RPTOR: variants seen among roughly 807,000 people sequenced by gnomAD.
The protein encoded by RPTOR is regulatory associated protein of MTOR complex 1.
Under a neutral mutation model 169.9 loss-of-function variants are expected in RPTOR, and 21 were observed. The observed-to-expected ratio is 0.12, with a 90% CI of 0.09 to 0.18. The LOEUF (loss-of-function observed/expected upper bound fraction) is 0.18, where lower values mean the gene tolerates loss of function less well. Ranked by LOEUF, RPTOR falls within the 10% of genes least tolerant of loss-of-function variation. RPTOR has a pLI of 1.00. For synonymous variants in RPTOR, 732 were observed against 753.2 expected (o/e 0.97, Z 0.46); for missense variants, 1,133 against 1,855.9 (o/e 0.61, Z 7.16).
At chr17:80,848,145 G>C (rs947606516) in intron 11 of RPTOR, among the ~76,000 whole-genome samples, 1 of 152,216 alleles carries the variant, frequency 6.6e-6, no homozygotes, top group Non-Finnish European at 1.5e-5. Context: ...GTCTCAGGCG[G>C]GCAACAAAGA....
chr17:80,650,374 C>T (rs1396383449), intron 3 of RPTOR, among the ~76,000 whole-genome samples: 2 of 152,240 alleles, frequency 1.3e-5, no homozygotes, highest in East Asian at 1.9e-4. Context: ...GAGTCCGCCT[C>T]CTCCCTTCTG....
intron 3 of RPTOR, among the ~76,000 whole-genome samples, chr17:80,663,444 TAC>T (rs753246843): frequency 8.0e-5 from 12 of 150,748 alleles, no homozygotes; most frequent in Non-Finnish European, 1.3e-4. Flanking sequence ...AATCTTTATT[TAC>T]AGTTTCCTCC....
chr17:80,885,085 C>T lies in RPTOR; in HGVS notation c.1920C>T (p.Ile640=), dbSNP rs377150656. The change falls in exon 17 of 34, where the codon ATC becomes ATT. Residue 640 remains isoleucine (I), a synonymous_variant. Transcript: ENST00000306801. ...AGAGGACGGACCACTCCACCACCAT[C>T]GACCACAACGTGGCCATGATGCTGG... ...SAERTDHSTT[I]DHNVAMMLAQ... is the part of the protein sequence containing the mutation. 8 of 1,597,926 alleles carry T rather than the reference C, an allele frequency of 5.0e-6. No individual in the cohort carries two copies. In the African/African-American group the frequency reaches 8.0e-5, roughly 16 times the overall value.
chr17:80,954,625 G>A (rs965385075), intron 28 of RPTOR, among the ~76,000 whole-genome samples: 1 of 152,010 alleles, frequency 6.6e-6, no homozygotes, highest in African/African-American at 2.4e-5. Context: ...ACTAGAAAAT[G>A]TAATTATAAA....
intron 4 of RPTOR, among the ~76,000 whole-genome samples, chr17:80,713,664 C>T (rs2066215447): frequency 1.3e-5 from 2 of 152,114 alleles, no homozygotes; most frequent in Admixed American, 1.3e-4. Context: ...CAGTGTGGCT[C>T]TATTAATCAG....
intron 3 of RPTOR, among the ~76,000 whole-genome samples, chr17:80,687,878 C>T (rs1309031120): frequency 6.6e-6 from 1 of 152,192 alleles, no homozygotes; most frequent in African/African-American, 2.4e-5. Flanking sequence ...GCCTTCAATT[C>T]ACCCTCCATT....
chr17:80,696,492 C>T (rs2066037640), intron 3 of RPTOR, among the ~76,000 whole-genome samples: 2 of 152,156 alleles, frequency 1.3e-5, no homozygotes, highest in African/African-American at 4.8e-5. Context: ...AGCAGAATTC[C>T]CATGTAGATT....
intron 4 of RPTOR, among the ~76,000 whole-genome samples, chr17:80,727,304 C>T (rs1366488391): frequency 1.3e-5 from 2 of 151,526 alleles, no homozygotes; most frequent in African/African-American, 2.4e-5. Flanking sequence ...CTGACCGCAT[C>T]ATGCTCCGAG....
In RPTOR at chr17:80,823,485, A is replaced by G. The variant is rs915219733; in HGVS notation, c.1136+262A>G. ...CCGGCTGAAGCCTCACAGCTCTGCA[A>G]CTCGGGAGGGTAGCACTTTGCAAGA... is the stretch of plus-strand genomic sequence containing the variant. On this transcript the variant is annotated intron_variant, in intron 9 of 33. Coordinates refer to ENST00000306801, the MANE Select transcript of RPTOR (RefSeq NM_020761.3). The surrounding 1 kb of genome is among the most constrained non-coding windows in gnomAD (Gnocchi z 4.5). The G allele has an allele frequency of 3.3e-5, 13 of 389,040 alleles. No homozygotes were observed. The highest frequency in any genetic ancestry group is 4.1e-5 in the East Asian group (1 of 24,560). The allele number at this position is 389,040 out of a possible 1,614,324, so 24.1% of individuals were successfully genotyped here. A position where few individuals can be genotyped will look rare whatever the true frequency, so the allele number is the denominator to read the frequency against.
At chr17:80,599,871 C>T (rs149004893) in intron 1 of RPTOR, among the ~76,000 whole-genome samples, 7 of 152,286 alleles carry the variant, frequency 4.6e-5, no homozygotes, top group African/African-American at 1.7e-4. Context: ...ATTTAATGAA[C>T]TTGCTCATCT....
At chr17:80,840,734 A>T (rs1189438187) in intron 10 of RPTOR, among the ~76,000 whole-genome samples, 2 of 109,336 alleles carry the variant, frequency 1.8e-5, no homozygotes, top group East Asian at 3.0e-4. Flanking sequence ...GCTCACTCTC[A>T]CCGCACGGCA....
intron 3 of RPTOR, among the ~76,000 whole-genome samples, chr17:80,706,146 AC>A (rs1346142966): frequency 6.6e-6 from 1 of 152,086 alleles, no homozygotes; most frequent in Non-Finnish European, 1.5e-5. Context: ...CCAGAGGCAA[AC>A]CCTTTTAGCT....
At chr17:80,884,049 C>T (rs974883152) in intron 16 of RPTOR, 77 bp downstream of exon 16, 31 of 1,429,690 alleles carry the variant, frequency 2.2e-5, no homozygotes, top group African/African-American at 4.2e-5. Context: ...TGCTCGCGTG[C>T]GGGTGTGGCC....
intron 1 of RPTOR, among the ~76,000 whole-genome samples, chr17:80,573,701 G>A (rs2064931510): frequency 6.6e-6 from 1 of 152,200 alleles, no homozygotes; most frequent in South Asian, 2.1e-4. Context: ...GAGTGTGTAA[G>A]GCTGCTGGGG....
At chr17:80,768,063 C>T (rs528487293) in intron 6 of RPTOR, among the ~76,000 whole-genome samples, 6 of 152,228 alleles carry the variant, frequency 3.9e-5, no homozygotes, top group East Asian at 3.9e-4. Flanking sequence ...GGGGTTTCAC[C>T]ATGTTAGCCA....
chr17:80,674,787 C>CAAAAAAAAAAAAA (rs9319608), intron 3 of RPTOR, among the ~76,000 whole-genome samples: 10 of 89,954 alleles, frequency 1.1e-4, no homozygotes, highest in Non-Finnish European at 1.5e-4. Flanking sequence ...GACTCTGTCT[C>CAAAAAAAAAAAAA]AAAAAAAAAA....
At chr17:80,952,820 A>G (rs58986963) in intron 28 of RPTOR, among the ~76,000 whole-genome samples, 22,778 of 145,034 alleles carry the variant, frequency 0.16, 4,716 homozygotes, top group African/African-American at 0.48. Flanking sequence ...CAGAGCCCAG[A>G]CCCATGCATC....
At chr17:80,700,058 A>G (rs2066071455) in intron 3 of RPTOR, among the ~76,000 whole-genome samples, 2 of 152,202 alleles carry the variant, frequency 1.3e-5, no homozygotes, top group Non-Finnish European at 2.9e-5. Context: ...GACTTGGAAT[A>G]GGACATGGAG....
At chr17:80,944,731 C>T (rs867620683) in intron 25 of RPTOR, among the ~76,000 whole-genome samples, 1 of 152,232 alleles carries the variant, frequency 6.6e-6, no homozygotes, top group Non-Finnish European at 1.5e-5. Flanking sequence ...TGGCTCACTT[C>T]TGTAATCCCA....
Sources: allele counts gnomAD v4.1 joint callset (sites outside exome capture counted in the v4.1 genomes callset), GRCh38; gene constraint gnomAD v4.1.1; non-coding constraint Gnocchi (gnomAD v3.1); transcripts MANE v1.5; gene names NCBI Gene and HGNC (gene_info 2026-07-23, HGNC 2026-07-21).